Variants in TBC1D1 observed in about 807,000 individuals in gnomAD.
TBC1D1 encodes TBC1 (tre-2/USP6, BUB2, cdc16) domain family, member 1.
A neutral mutation model predicts 125.6 loss-of-function variants in TBC1D1; 89 were observed. That is an observed-to-expected ratio of 0.71 (90% CI 0.60 to 0.85). The LOEUF (loss-of-function observed/expected upper bound fraction) is 0.85, where lower values mean the gene tolerates loss of function less well. Among genes scored for constraint, TBC1D1 ranks in the 40% least tolerant of loss-of-function variants. The pLI, the probability that TBC1D1 is intolerant of heterozygous loss-of-function variation, is 0.00. For missense variants in TBC1D1, 1,377 were observed against 1,469.2 expected (o/e 0.94, Z 1.03); for synonymous variants, 565 against 564.1 (o/e 1.00, Z -0.02).
At chr4:38,033,469 C>T (rs751010475) in intron 7 of TBC1D1, among the ~76,000 whole-genome samples, 7 of 151,938 alleles carry the variant, frequency 4.6e-5, no homozygotes, top group Non-Finnish European at 7.4e-5. Flanking sequence ...TTTCACTGTC[C>T]CCCACCCCAC....
intron 2 of TBC1D1, among the ~76,000 whole-genome samples, chr4:37,947,827 T>C (rs1727023749): frequency 6.6e-6 from 1 of 152,104 alleles, no homozygotes; most frequent in Non-Finnish European, 1.5e-5. Context: ...GTTTGGTAAA[T>C]TGTGTTTTAG....
At chr4:38,000,344 C>T (rs1397561564) in intron 2 of TBC1D1, among the ~76,000 whole-genome samples, 1 of 152,130 alleles carries the variant, frequency 6.6e-6, no homozygotes, top group African/African-American at 2.4e-5. Flanking sequence ...AGTCAGCAAA[C>T]CCAGTAGCAT....
chr4:37,931,630 A>G (rs550928754), intron 2 of TBC1D1, among the ~76,000 whole-genome samples: 163 of 152,098 alleles, frequency 1.1e-3, no homozygotes, highest in African/African-American at 3.7e-3. Context: ...GGCACCTGCC[A>G]CCACACCTGG....
chr4:38,014,468 A>C lies in TBC1D1; in HGVS notation c.418-41A>C. ...TGCATTCATTCCGTGAGTGCCAGCC[A>C]CACTGCATGTTCCAAATAACACGCC... On this transcript the variant is annotated intron_variant, in intron 2 of 19. Coordinates refer to ENST00000261439, the MANE Select transcript of TBC1D1 (RefSeq NM_015173.4). The surrounding 1 kb of genome is among the most constrained non-coding windows in gnomAD (Gnocchi z 5.1). 6.3e-7 allele frequency: 1 copy of C among 1,584,688 alleles called. No individual in the cohort carries two copies.
At chr4:38,042,469 G>T (rs909377076) in intron 8 of TBC1D1, among the ~76,000 whole-genome samples, 2 of 151,980 alleles carry the variant, frequency 1.3e-5, no homozygotes, top group African/African-American at 4.8e-5. Flanking sequence ...TGGCCAGGCT[G>T]GTCTCGAACT....
At chr4:38,081,484 T>G (rs1355164361) in intron 12 of TBC1D1, among the ~76,000 whole-genome samples, 1 of 152,092 alleles carries the variant, frequency 6.6e-6, no homozygotes, top group Non-Finnish European at 1.5e-5. Flanking sequence ...TGGGAAAATG[T>G]TGGCATTTTC....
In TBC1D1 at chr4:38,014,723, G is replaced by C. The variant is rs1226006709; in HGVS notation, c.632G>C (p.Ser211Thr). 1.2e-6 allele frequency: 2 copies of C among 1,600,234 alleles called. No individual in the cohort carries two copies. Among genetic ancestry groups the C allele is most frequent in the Non-Finnish European group, 1.7e-6 (2 of 1,169,378 alleles). ...GTCAGCGGCAGCCGGGGGTCCGAGA[G>C]CCCCCGCCCCAACCCGCCCCATGCC... Residue 211 changes from serine to threonine, a missense_variant, in exon 3 of 20, where the codon AGC becomes ACC. Coordinates refer to ENST00000261439, the MANE Select transcript of TBC1D1 (RefSeq NM_015173.4). This position sits in a 1 kb window ranked among gnomAD's most constrained non-coding sequence, Gnocchi z 5.1.
chr4:37,981,490 G>C (rs1047125259), intron 2 of TBC1D1, among the ~76,000 whole-genome samples: 1 of 152,174 alleles, frequency 6.6e-6, no homozygotes, highest in African/African-American at 2.4e-5. Context: ...TTCTAGATGG[G>C]AGAGATAGCA....
chr4:37,942,277 A>T (rs1348147275), intron 2 of TBC1D1, among the ~76,000 whole-genome samples: 1 of 152,160 alleles, frequency 6.6e-6, no homozygotes, highest in Non-Finnish European at 1.5e-5. Context: ...CCATTATGTA[A>T]TGGCCTTCTT....
intron 12 of TBC1D1, among the ~76,000 whole-genome samples, chr4:38,065,350 G>A (rs1753526792): frequency 6.6e-6 from 1 of 152,154 alleles, no homozygotes; most frequent in South Asian, 2.1e-4. Flanking sequence ...CCAAATGTCT[G>A]ATGCTGGAGA....
intron 2 of TBC1D1, among the ~76,000 whole-genome samples, chr4:37,937,618 A>G (rs1273080473): frequency 6.6e-6 from 1 of 152,182 alleles, no homozygotes; most frequent in East Asian, 1.9e-4. Context: ...AAACAATAAG[A>G]ATTGTTTCAT....
At chr4:37,943,955 T>C (rs927092905) in intron 2 of TBC1D1, among the ~76,000 whole-genome samples, 1 of 152,174 alleles carries the variant, frequency 6.6e-6, no homozygotes, top group Admixed American at 6.5e-5. Flanking sequence ...TTTTTCCCCA[T>C]CTTTGTGGTT....
chr4:37,908,083 G>A (rs573189413), intron 2 of TBC1D1, among the ~76,000 whole-genome samples: 1 of 152,240 alleles, frequency 6.6e-6, no homozygotes, highest in Admixed American at 6.5e-5. Flanking sequence ...ATTTTGAGTG[G>A]GAAATGGCGG....
chr4:37,976,716 A>G (rs2152354075), intron 2 of TBC1D1, among the ~76,000 whole-genome samples: 1 of 152,060 alleles, frequency 6.6e-6, no homozygotes, highest in South Asian at 2.1e-4. Context: ...CTTTGTAGCC[A>G]TAAACTGACC....
intron 12 of TBC1D1, among the ~76,000 whole-genome samples, chr4:38,086,040 C>T (rs1459833417): frequency 6.6e-6 from 1 of 152,098 alleles, no homozygotes; most frequent in African/African-American, 2.4e-5. Context: ...TTCAGCAGGC[C>T]AAATTTAGAA....
chr4:37,921,109 C>CAAA lies in TBC1D1; in HGVS notation c.417+18620_417+18622dup, dbSNP rs1188232681. ...AGGGCGACAGAGCGAGACTCCGTCT[C>CAAA]AAAAAAAAAAAAAAAAAAAAAAAAA... On this transcript the variant is annotated intron_variant, in intron 2 of 19. Transcript: ENST00000261439. Among the ~76,000 whole-genome samples the CAAA allele has an allele frequency of 1.8e-3, 126 of 71,828 alleles. 1 individual carries two copies. Among genetic ancestry groups the CAAA allele is most frequent in the African/African-American group, 2.6e-3 (45 of 17,300 alleles). 47.1% of individuals were successfully genotyped at this position (71,828 alleles called of 152,430 possible).
chr4:37,990,358 A>G (rs781725225), intron 2 of TBC1D1, among the ~76,000 whole-genome samples: 28 of 152,000 alleles, frequency 1.8e-4, no homozygotes, highest in Non-Finnish European at 2.6e-4. Context: ...ATTAGTGTTA[A>G]TGTATTTTAT....
chr4:38,021,442 C>T, intron 5 of TBC1D1, 144 bp from the exon 6 acceptor site: 1 of 615,648 alleles, frequency 1.6e-6, no homozygotes, highest in Non-Finnish European at 2.6e-6. Flanking sequence ...GCTGTTATTC[C>T]AATTATTATC....
chr4:38,108,170 G>T (rs1484114164), intron 15 of TBC1D1, among the ~76,000 whole-genome samples: 1 of 152,126 alleles, frequency 6.6e-6, no homozygotes, highest in African/African-American at 2.4e-5. Flanking sequence ...TTCTGTCTGG[G>T]GCTCCCACTG....
Sources: allele counts gnomAD v4.1 joint callset (sites outside exome capture counted in the v4.1 genomes callset), GRCh38; gene constraint gnomAD v4.1.1; non-coding constraint Gnocchi (gnomAD v3.1); transcripts MANE v1.5; gene names NCBI Gene and HGNC (gene_info 2026-07-23, HGNC 2026-07-21).